The following CLEC4A variants were observed in gnomAD, a reference collection of about 807,000 sequenced individuals.
CLEC4A encodes C-type (calcium dependent, carbohydrate-recognition domain) lectin, superfamily member 6.
A neutral mutation model predicts 32.7 loss-of-function variants in CLEC4A; 27 were observed. That is an observed-to-expected ratio of 0.83 (90% CI 0.61 to 1.14). The LOEUF is 1.14. CLEC4A is among the 50% of genes most tolerant of loss of function. The pLI, the probability that CLEC4A is intolerant of heterozygous loss-of-function variation, is 0.00. For synonymous variants in CLEC4A, 89 were observed against 93.7 expected (o/e 0.95, Z 0.29); for missense variants, 253 against 274.6 (o/e 0.92, Z 0.55).
chr12:8,103,982 C>T, the CLEC4A span, among the ~76,000 whole-genome samples: 1 of 152,136 alleles, frequency 6.6e-6, no homozygotes, highest in Non-Finnish European at 1.5e-5. Context: ...CAGTACTTCC[C>T]ATACACCTTT....
chr12:8,134,109 A>G, intron 3 of CLEC4A: 1 of 1,595,792 alleles, frequency 6.3e-7, no homozygotes, highest in East Asian at 2.3e-5. Context: ...CACCGCAGGA[A>G]CAAATTCTCC....
At chr12:8,118,644 G>C (rs1481950509), upstream of CLEC4A, among the ~76,000 whole-genome samples, 1 of 152,100 alleles carries the variant, frequency 6.6e-6, no homozygotes, top group Non-Finnish European at 1.5e-5. Flanking sequence ...TCACTATGGC[G>C]AGGACACTAC....
chr12:8,133,905 C>G (rs1948043675), intron 3 of CLEC4A: 4 of 1,599,472 alleles, frequency 2.5e-6, no homozygotes, highest in Non-Finnish European at 1.7e-6. Context: ...AAATGGGGCC[C>G]TGGGGCCAGA....
At chr12:8,137,433 C>T (rs1455022546) in intron 5 of CLEC4A, among the ~76,000 whole-genome samples, 4 of 152,092 alleles carry the variant, frequency 2.6e-5, no homozygotes, top group Non-Finnish European at 5.9e-5. Flanking sequence ...TATGTGCCAC[C>T]ACACCCAGTC....
chr12:8,134,628 T>C (rs747072921), intron 3 of CLEC4A: 265 of 1,609,674 alleles, frequency 1.6e-4, no homozygotes, highest in Non-Finnish European at 2.2e-4. Context: ...AGGCCCACAG[T>C]ACGCCATCCC....
chr12:8,104,428 T>G, the CLEC4A span, among the ~76,000 whole-genome samples: 1 of 152,012 alleles, frequency 6.6e-6, no homozygotes. Context: ...AATCAAGCCA[T>G]TTGGGTGCTT....
chr12:8,105,626 A>G, the CLEC4A span, among the ~76,000 whole-genome samples: 12 of 152,264 alleles, frequency 7.9e-5, no homozygotes, highest in African/African-American at 2.6e-4. Context: ...CTGGGATTAC[A>G]GGCATGAGCC....
At chr12:8,134,068 G>C (rs1948047663) in intron 3 of CLEC4A, 2 of 1,591,160 alleles carry the variant, frequency 1.3e-6, no homozygotes, top group South Asian at 2.3e-5. Flanking sequence ...GCTGGGCGAT[G>C]TGGCTGATCT....
At chr12:8,135,782 G>C (rs376261497) in intron 4 of CLEC4A, 46 bp downstream of exon 4, 2 of 1,589,108 alleles carry the variant, frequency 1.3e-6, no homozygotes, top group Admixed American at 1.7e-5. Context: ...CCTGATCTTT[G>C]TATATCTCTC....
chr12:8,104,205 C>T, the CLEC4A span, among the ~76,000 whole-genome samples: 1 of 151,770 alleles, frequency 6.6e-6, no homozygotes, highest in Non-Finnish European at 1.5e-5. Flanking sequence ...TTTAGAAAGG[C>T]CAGTCCATTA....
intron 3 of CLEC4A, chr12:8,134,979 G>GGTTTTTTTTTTTTTTTTTTTTTTTTTT (rs1948073440): frequency 6.7e-6 from 1 of 148,578 alleles, no homozygotes; most frequent in Non-Finnish European, 9.4e-6. Context: ...AAGCGTTTTT[G>GGTTTTTTTTTTTTTTTTTTTTTTTTTT]TTTTTTGTTT....
intron 3 of CLEC4A, among the ~76,000 whole-genome samples, chr12:8,132,837 C>G (rs1948022410): frequency 6.6e-6 from 1 of 151,614 alleles, no homozygotes; most frequent in Non-Finnish European, 1.5e-5. Context: ...TTTGGGGTCA[C>G]TTTACAAGGC....
At chr12:8,103,376 G>T in the CLEC4A span, among the ~76,000 whole-genome samples, 23,348 of 57,312 alleles carry the variant, frequency 0.41, 2,659 homozygotes, top group East Asian at 0.52. Context: ...TCTTTCTGTT[G>T]TTTTTTTTTT....
intron 3 of CLEC4A, among the ~76,000 whole-genome samples, chr12:8,135,281 T>C (rs1389066918): frequency 2.0e-5 from 3 of 152,028 alleles, no homozygotes; most frequent in Non-Finnish European, 4.4e-5. Context: ...TTATTTTCTA[T>C]TGAACTCTGG....
chr12:8,105,253 T>C, the CLEC4A span, among the ~76,000 whole-genome samples: 2 of 152,234 alleles, frequency 1.3e-5, no homozygotes, highest in African/African-American at 2.4e-5. Context: ...ATTTTGACTT[T>C]TTCATAATAG....
At chr12:8,137,495 T>C (rs1948143279) in intron 5 of CLEC4A, among the ~76,000 whole-genome samples, 2 of 152,190 alleles carry the variant, frequency 1.3e-5, no homozygotes, top group Admixed American at 6.5e-5. Flanking sequence ...ATTCTGATAA[T>C]CTTATATCTC....
At chr12:8,124,126 G>T (rs1015299288) in intron 1 of CLEC4A, among the ~76,000 whole-genome samples, 166 bp downstream of exon 1, 2 of 152,168 alleles carry the variant, frequency 1.3e-5, no homozygotes, top group African/African-American at 2.4e-5. Context: ...GCATTACGGG[G>T]TGTACATTTG....
At chr12:8,132,642 G>T (rs1029838241) in intron 3 of CLEC4A, among the ~76,000 whole-genome samples, 2 of 152,102 alleles carry the variant, frequency 1.3e-5, no homozygotes, top group African/African-American at 2.4e-5. Flanking sequence ...TATAAATGTG[G>T]ATTGGATCCT....
intron 3 of CLEC4A, chr12:8,134,177 A>G (rs1948050018): frequency 6.8e-6 from 11 of 1,609,842 alleles, no homozygotes; most frequent in Non-Finnish European, 9.3e-6. Flanking sequence ...GGCCTGCACG[A>G]GGGTTTCTGC....
Sources: allele counts gnomAD v4.1 joint callset (sites outside exome capture counted in the v4.1 genomes callset), GRCh38; gene constraint gnomAD v4.1.1; transcripts MANE v1.5; gene names NCBI Gene and HGNC (gene_info 2026-07-23, HGNC 2026-07-21).